Variants in CNTN3 observed in about 807,000 individuals in gnomAD.
CNTN3 encodes the protein contactin 3.
A neutral mutation model predicts 119.1 loss-of-function variants in CNTN3; 60 were observed. The ratio of observed to expected loss-of-function variants is 0.50; its 90% CI spans 0.41 to 0.62. The LOEUF is 0.62. Among genes scored for constraint, CNTN3 ranks in the 20% least tolerant of loss-of-function variants. CNTN3 has a pLI of 0.00. For missense variants in CNTN3, 1,101 were observed against 1,242.4 expected, an observed-to-expected ratio of 0.89 and a Z score of 1.71; for synonymous variants, 450 against 438.7, an observed-to-expected ratio of 1.03 and a Z score of -0.32.
intron 4 of CNTN3, among the ~76,000 whole-genome samples, chr3:74,466,165 G>A (rs772458356): frequency 6.6e-5 from 10 of 152,092 alleles, no homozygotes; most frequent in Non-Finnish European, 1.3e-4. Context: ...GAGAAAATAC[G>A]TGAGTTTAGT....
At chr3:74,338,065 CT>C (rs971630998) in intron 11 of CNTN3, among the ~76,000 whole-genome samples, 3 of 152,028 alleles carry the variant, frequency 2.0e-5, no homozygotes, top group African/African-American at 7.2e-5. Flanking sequence ...GCATTTAACA[CT>C]TGAGTGTCTT....
In CNTN3 at chr3:74,371,005, C is replaced by T. The variant is rs529032657; in HGVS notation, c.658+191G>A. 5.3e-5 allele frequency among the ~76,000 whole-genome samples: 8 copies of T among 152,090 alleles called. No homozygotes were observed. The South Asian group carries it at 1.2e-3, about 24-fold the overall frequency. On this transcript the variant is annotated intron_variant, in intron 6 of 22. Transcript: ENST00000263665. The stretch of plus-strand genomic sequence containing the variant: ...GTCCCTGCAAATTATGAAGCTTGCC[C>T]GGGGTAAGAATTATGCATAAGGACT...
chr3:74,291,906 C>T (rs374060993), intron 19 of CNTN3, among the ~76,000 whole-genome samples: 17 of 152,198 alleles, frequency 1.1e-4, no homozygotes, highest in African/African-American at 3.1e-4. Flanking sequence ...TCAATCTTGC[C>T]GTCAACCTGG....
chr3:74,314,757 G>A (rs1331534466), intron 13 of CNTN3, among the ~76,000 whole-genome samples: 1 of 152,194 alleles, frequency 6.6e-6, no homozygotes, highest in African/African-American at 2.4e-5. Flanking sequence ...CAGAAAACAA[G>A]TAAAGACTTA....
chr3:74,471,456 A>G (rs186262346), intron 4 of CNTN3, among the ~76,000 whole-genome samples: 1 of 152,296 alleles, frequency 6.6e-6, no homozygotes, highest in Non-Finnish European at 1.5e-5. Context: ...TGAACTCTAT[A>G]AACAAAAGTA....
chr3:74,361,869 C>T, intron 11 of CNTN3, 21 bp downstream of exon 11: 2 of 1,588,564 alleles, frequency 1.3e-6, no homozygotes, highest in South Asian at 1.1e-5. Context: ...TAAATGACCA[C>T]TTTTCTGGAC....
rs1008297447 is a variant in CNTN3 at position 74,500,504 on chromosome 3, C to G, written c.56-719G>C. The stretch of plus-strand genomic sequence containing the variant: ...TAGCATTTCTGAAAACAAACAAATT[C>G]GCCCAAAAAAAAAAAAAAGCTCTTT... On this transcript the variant is annotated intron_variant, in intron 2 of 22. Coordinates refer to ENST00000263665, the MANE Select transcript of CNTN3 (RefSeq NM_020872.3). Among the ~76,000 whole-genome samples, 5 of 86,670 alleles carry G rather than the reference C, an allele frequency of 5.8e-5. No individual in the cohort carries two copies. The South Asian group carries it at 1.5e-3, about 25-fold the overall frequency. The allele number at this position is 86,670 out of a possible 152,430, so 56.9% of individuals were successfully genotyped here.
At chr3:74,608,144 G>A (rs891874172) in intron 1 of CNTN3, among the ~76,000 whole-genome samples, 42 of 152,180 alleles carry the variant, frequency 2.8e-4, no homozygotes, top group African/African-American at 9.4e-4. Context: ...CTGTACCCCA[G>A]AGATGATTCA....
In CNTN3 at chr3:74,521,128, G is replaced by A; in HGVS notation, c.-16C>T. The A allele has an allele frequency of 3.2e-6, 5 of 1,561,142 alleles. No homozygotes were observed. Among genetic ancestry groups the A allele is most frequent in the East Asian group, 2.3e-5 (1 of 43,424 alleles). ...GAAACATCATCTTTAATTGCCAAAT[G>A]CAAGAGTAACTCTTGTCCAGTCTCT... On this transcript the variant is annotated 5_prime_UTR_variant, in exon 2 of 23. Transcript: ENST00000263665.
At chr3:74,346,195 A>C (rs2106736981) in intron 11 of CNTN3, among the ~76,000 whole-genome samples, 1 of 152,294 alleles carries the variant, frequency 6.6e-6, no homozygotes, top group Non-Finnish European at 1.5e-5. Context: ...CTAAGAAAAC[A>C]AGATTTTATT....
Position 74,338,396 on chromosome 3 carries a change from G to GTA in CNTN3, c.1365-1740_1365-1739dup, listed in dbSNP as rs555421111. 5.7e-4 allele frequency among the ~76,000 whole-genome samples: 86 copies of GTA among 151,784 alleles called. 1 individual carries two copies. In the South Asian group the frequency reaches 7.1e-3, roughly 12 times the overall value. ...TTTATATATGCATATGTGTATGTGT[G>GTA]TATATATATACATATGTGTATACAT... On this transcript the variant is annotated intron_variant, in intron 11 of 22. Coordinates refer to ENST00000263665, the MANE Select transcript of CNTN3 (RefSeq NM_020872.3).
intron 1 of CNTN3, among the ~76,000 whole-genome samples, chr3:74,590,128 A>G (rs1385204055): frequency 2.0e-5 from 3 of 151,882 alleles, no homozygotes; most frequent in African/African-American, 7.2e-5. Flanking sequence ...AAGTATAATA[A>G]TAATAAAAAA....
intron 3 of CNTN3, among the ~76,000 whole-genome samples, chr3:74,489,659 C>A (rs1012491972): frequency 7.1e-6 from 1 of 141,788 alleles, no homozygotes; most frequent in African/African-American, 2.6e-5. Flanking sequence ...AGGCCTTAGT[C>A]ATGCCTTTCA....
intron 1 of CNTN3, among the ~76,000 whole-genome samples, chr3:74,548,253 A>C (rs1025983183): frequency 5.3e-5 from 8 of 152,196 alleles, no homozygotes; most frequent in African/African-American, 1.9e-4. Context: ...AATAATGGTG[A>C]TGAAAAGAAT....
intron 11 of CNTN3, among the ~76,000 whole-genome samples, chr3:74,339,806 C>T (rs770313657): frequency 3.9e-5 from 6 of 151,996 alleles, no homozygotes. Flanking sequence ...AAGGCACTGA[C>T]ACCTTATAAA....
chr3:74,418,648 A>G (rs1701566958), intron 5 of CNTN3, among the ~76,000 whole-genome samples: 1 of 151,918 alleles, frequency 6.6e-6, no homozygotes, highest in Non-Finnish European at 1.5e-5. Context: ...GCTAGAAAGC[A>G]TATTCTTTCT....
intron 5 of CNTN3, among the ~76,000 whole-genome samples, chr3:74,403,889 T>TC (rs999060930): frequency 4.6e-5 from 7 of 152,000 alleles, no homozygotes; most frequent in African/African-American, 1.4e-4. Flanking sequence ...TCTCTTTCCT[T>TC]TTTTTTATTT....
intron 5 of CNTN3, among the ~76,000 whole-genome samples, chr3:74,411,580 T>C (rs952383177): frequency 6.6e-6 from 1 of 152,224 alleles, no homozygotes; most frequent in Non-Finnish European, 1.5e-5. Context: ...CTTTTTTAAT[T>C]GTCCTCATAC....
intron 1 of CNTN3, among the ~76,000 whole-genome samples, chr3:74,572,079 C>CT (rs55774152): frequency 0.8 from 120,898 of 152,068 alleles, 48,163 homozygotes; most frequent in African/African-American, 0.82. Context: ...AAAGAAAATA[C>CT]TTTATCATTT....
Sources: gnomAD v4.1 joint callset for allele counts (sites outside exome capture counted in the v4.1 genomes callset) on GRCh38, gnomAD v4.1.1 for gene constraint, MANE v1.5 for transcripts, NCBI Gene and HGNC (gene_info 2026-07-23, HGNC 2026-07-21) for gene names.